The following GPHN variants were observed in gnomAD, a reference collection of about 807,000 sequenced individuals.
GPHN encodes gephyrin.
GPHN carries 17 observed loss-of-function variants against 95.5 expected under a neutral mutation model. The ratio of observed to expected loss-of-function variants is 0.18; its 90% CI spans 0.12 to 0.27. The LOEUF is 0.27. Among genes scored for constraint, GPHN ranks in the 10% least tolerant of loss-of-function variants. The probability of loss-of-function intolerance (pLI) is 1.00; values close to 1 mark genes in which losing one functional copy is unlikely to be tolerated. For missense variants in GPHN, 660 were observed against 978.1 expected (o/e 0.67, Z 4.34); for synonymous variants, 320 against 322.5 (o/e 0.99, Z 0.08).
At chr14:67,314,085 G>C in the GPHN span, among the ~76,000 whole-genome samples, 1 of 151,614 alleles carries the variant, frequency 6.6e-6, no homozygotes, top group African/African-American at 2.4e-5. Context: ...CTTTTTTAGC[G>C]ATCATCCCTC....
At chr14:67,191,894 A>G in the GPHN span, among the ~76,000 whole-genome samples, 3 of 152,336 alleles carry the variant, frequency 2.0e-5, no homozygotes, top group African/African-American at 7.2e-5. Context: ...TGAAAACTAT[A>G]CTGTAATTCT....
chr14:66,750,879 G>A (rs1404770743), intron 2 of GPHN, among the ~76,000 whole-genome samples: 3 of 151,924 alleles, frequency 2.0e-5, no homozygotes, highest in Non-Finnish European at 4.4e-5. Context: ...GTTGGCACAA[G>A]TGACCTAAAA....
the GPHN span, among the ~76,000 whole-genome samples, chr14:67,542,512 G>A: frequency 6.6e-6 from 1 of 152,074 alleles, no homozygotes; most frequent in Non-Finnish European, 1.5e-5. Flanking sequence ...AAACACAAAT[G>A]TCTACTTCTA....
At chr14:67,304,908 T>G in the GPHN span, among the ~76,000 whole-genome samples, 1 of 152,230 alleles carries the variant, frequency 6.6e-6, no homozygotes, top group East Asian at 1.9e-4. Flanking sequence ...AGAACACAGT[T>G]TCATTTTTCT....
chr14:66,913,077 A>G (rs2065746676), intron 5 of GPHN, among the ~76,000 whole-genome samples: 1 of 152,140 alleles, frequency 6.6e-6, no homozygotes, highest in Non-Finnish European at 1.5e-5. Flanking sequence ...TAAGGGTGGT[A>G]TGGGACATTT....
the GPHN span, chr14:67,577,151 C>T: frequency 1.6e-6 from 1 of 628,734 alleles, no homozygotes; most frequent in Non-Finnish European, 2.9e-6. Flanking sequence ...CTGTACACCC[C>T]ACACTCTATG....
intron 17 of GPHN, among the ~76,000 whole-genome samples, chr14:67,142,485 A>G (rs2080533148): frequency 6.6e-6 from 1 of 152,142 alleles, no homozygotes; most frequent in African/African-American, 2.4e-5. Flanking sequence ...TTCAACCTGT[A>G]CCATCAAAGA....
At chr14:66,974,790 C>A (rs1230538534) in intron 9 of GPHN, among the ~76,000 whole-genome samples, 1 of 151,988 alleles carries the variant, frequency 6.6e-6, no homozygotes, top group Non-Finnish European at 1.5e-5. Flanking sequence ...TCTTATCATA[C>A]CAAGAAGGCA....
At chr14:67,275,899 T>C in the GPHN span, among the ~76,000 whole-genome samples, 1 of 152,216 alleles carries the variant, frequency 6.6e-6, no homozygotes, top group Non-Finnish European at 1.5e-5. Flanking sequence ...TTTTCTACTT[T>C]ATTTGCGTAG....
At chr14:66,946,361 A>G (rs1304177492) in intron 8 of GPHN, among the ~76,000 whole-genome samples, 1 of 152,190 alleles carries the variant, frequency 6.6e-6, no homozygotes, top group East Asian at 1.9e-4. Context: ...AAACCAGCCA[A>G]GAAAGCCATC....
chr14:67,435,461 G>A, the GPHN span, among the ~76,000 whole-genome samples: 3 of 152,122 alleles, frequency 2.0e-5, no homozygotes. Flanking sequence ...GGGGACATTC[G>A]AACCATAGCA....
intron 1 of GPHN, among the ~76,000 whole-genome samples, chr14:66,582,508 A>G (rs895838431): frequency 3.9e-5 from 6 of 151,922 alleles, no homozygotes; most frequent in African/African-American, 1.2e-4. Context: ...AGCATTAGGT[A>G]TATCTCCTAA....
At chr14:66,738,886 A>G (rs1201529597) in intron 2 of GPHN, among the ~76,000 whole-genome samples, 1 of 152,140 alleles carries the variant, frequency 6.6e-6, no homozygotes, top group Non-Finnish European at 1.5e-5. Context: ...AATACTGTAT[A>G]ATACCAGGAA....
At chr14:67,029,988 CTTTTT>C (rs10561726) in intron 10 of GPHN, among the ~76,000 whole-genome samples, 3 of 129,902 alleles carry the variant, frequency 2.3e-5, no homozygotes, top group South Asian at 2.4e-4. Flanking sequence ...TTTGGTAGCT[CTTTTT>C]TTTTTTTTTT....
At chr14:66,783,576 A>C (rs1191399409) in intron 3 of GPHN, among the ~76,000 whole-genome samples, 1 of 152,190 alleles carries the variant, frequency 6.6e-6, no homozygotes, top group Non-Finnish European at 1.5e-5. Context: ...GGCCTGGCAG[A>C]GAGGTGAACC....
At chr14:67,188,480 A>G in the GPHN span, among the ~76,000 whole-genome samples, 168 of 152,304 alleles carry the variant, frequency 1.1e-3, 1 homozygote, top group African/African-American at 3.9e-3. Context: ...ATGCAAAAAT[A>G]TTTTCTGGCC....
chr14:66,592,296 G>C lies in GPHN; in HGVS notation c.64+83705G>C, dbSNP rs10400398. Among the ~76,000 whole-genome samples the C allele has an allele frequency of 2.6e-5, 4 of 152,202 alleles. No individual in the cohort carries two copies. In the East Asian group the frequency reaches 5.8e-4, roughly 22 times the overall value. On this transcript the variant is annotated intron_variant, in intron 1 of 22. Transcript: ENST00000478722. ...AGCAATGGCAGCAAAAGCCAAAATT[G>C]ATAAATGGGATCTAATTAAAGTAAA...
the GPHN span, among the ~76,000 whole-genome samples, chr14:67,296,585 C>CAAAAAA: frequency 7.1e-3 from 361 of 50,962 alleles, 39 homozygotes; most frequent in African/African-American, 0.013. Context: ...AACTCTGTCT[C>CAAAAAA]AAAAAAAAAA....
chr14:66,635,680 T>C (rs772679183), intron 1 of GPHN, among the ~76,000 whole-genome samples: 2 of 152,110 alleles, frequency 1.3e-5, no homozygotes, highest in Non-Finnish European at 2.9e-5. Flanking sequence ...AAAAAGCAAA[T>C]ATTTCTTCTT....
Sources: gnomAD v4.1 joint callset for allele counts (sites outside exome capture counted in the v4.1 genomes callset) on GRCh38, gnomAD v4.1.1 for gene constraint, MANE v1.5 for transcripts, NCBI Gene and HGNC (gene_info 2026-07-23, HGNC 2026-07-21) for gene names.